Variants in WDR76 observed in about 807,000 individuals in gnomAD.
WDR76 encodes WD repeat domain 76.
In WDR76, 52 loss-of-function variants were observed where a neutral mutation model predicts 70.2. The ratio of observed to expected loss-of-function variants is 0.74; its 90% confidence interval spans 0.59 to 0.93. The LOEUF (loss-of-function observed/expected upper bound fraction) is 0.93, where lower values mean the gene tolerates loss of function less well. Among genes scored for constraint, WDR76 ranks in the 40% least tolerant of loss-of-function variants. The pLI is 0.00. For missense variants in WDR76, 756 were observed against 760.2 expected (o/e 0.99, Z 0.07); for synonymous variants, 292 against 271.1 (o/e 1.08, Z -0.76).
intron 8 of WDR76, 82 bp downstream of exon 8, chr15:43,844,136 T>C: frequency 1.5e-6 from 2 of 1,302,388 alleles, no homozygotes; most frequent in Non-Finnish European, 2.0e-6. Context: ...GCCATGTGTT[T>C]ATAAATGTTG....
chr15:43,839,603 AG>A lies in WDR76; in HGVS notation c.609-1del, dbSNP rs1567184555. 6.2e-7 allele frequency: 1 copy of A among 1,606,668 alleles called. No individual in the cohort carries two copies. The highest frequency in any genetic ancestry group is 2.2e-5 in the East Asian group (1 of 44,704). On this transcript the variant is annotated splice_acceptor_variant, in intron 4 of 12. Coordinates refer to ENST00000263795, the MANE Select transcript of WDR76 (RefSeq NM_024908.4). LOFTEE classifies it high-confidence loss of function. Reference sequence around the variant, plus strand: ...AACATGAGTTTTTCCCCACTCCTTTAGAAAGAAGCCTAAGAGAGAAAATGGG... The same window carrying A: ...AACATGAGTTTTTCCCCACTCCTTTAAAAGAAGCCTAAGAGAGAAAATGGG...
rs531512445 is a variant in WDR76 at position 43,828,276 on chromosome 15, A to G, written c.372A>G (p.Gln124=). The G allele has an allele frequency of 1.7e-5, 27 of 1,614,182 alleles. No homozygotes were observed. The South Asian group carries it at 2.1e-4, about 12-fold the overall frequency. Residue 124 remains glutamine, a synonymous_variant, in exon 2 of 13, where the codon CAA becomes CAG. Transcript: ENST00000263795. Reference sequence around the variant, plus strand: ...TTCATACTGAAAGTAACAAGCTACAACCCAAGAGAACGGCAGATGCGATGA... The same window carrying G: ...TTCATACTGAAAGTAACAAGCTACAGCCCAAGAGAACGGCAGATGCGATGA... ...SAVHTESNKL[Q]PKRTADAMNL... is the part of the protein sequence containing the mutation.
chr15:43,859,724 A>C (rs2087973059), intron 11 of WDR76, among the ~76,000 whole-genome samples: 1 of 152,230 alleles, frequency 6.6e-6, no homozygotes, highest in Admixed American at 6.5e-5. Context: ...CCTTTGTCTC[A>C]AAAGCTGCTT....
At chr15:43,844,391 T>C (rs1327847869) in intron 8 of WDR76, among the ~76,000 whole-genome samples, 1 of 140,564 alleles carries the variant, frequency 7.1e-6, no homozygotes, top group Non-Finnish European at 1.6e-5. Context: ...GCTGAGGCGG[T>C]CGGATCACCT....
intron 12 of WDR76, among the ~76,000 whole-genome samples, chr15:43,865,316 A>G (rs2088057168): frequency 6.6e-6 from 1 of 152,002 alleles, no homozygotes; most frequent in Admixed American, 6.6e-5. Context: ...TCTGTTGCCC[A>G]GGCTGGAATG....
chr15:43,851,306 ACATGAATAATTATTATAC>A, intron 9 of WDR76, 61 bp downstream of exon 9: 1 of 1,584,026 alleles, frequency 6.3e-7, no homozygotes, highest in South Asian at 1.1e-5. Context: ...TCGAAATGCC[ACATGAATAATTATTATAC>A]CAATTGGGAG....
rs2087526104 is a variant in WDR76, at chr15:43,827,074, A to G, written c.42A>G (p.Arg14=). 1 of 1,613,896 alleles carries G rather than the reference A, an allele frequency of 6.2e-7. No individual in the cohort carries two copies. Among genetic ancestry groups the G allele is most frequent in the South Asian group, 1.1e-5 (1 of 91,086 alleles). Residue 14 remains arginine (R), a synonymous_variant, in exon 1 of 13, where the codon AGA becomes AGG. Transcript: ENST00000263795. Reference sequence around the variant, plus strand: ...CGGCGGCTGAGAAGGCGGACTCCAGACAGCGACCCCAGATGAAGGTGAGAA... The same window carrying G: ...CGGCGGCTGAGAAGGCGGACTCCAGGCAGCGACCCCAGATGAAGGTGAGAA... ...SGAAAEKADS[R]QRPQMKVNEY... is the part of the protein sequence containing the mutation.
chr15:43,851,164 C>A lies in WDR76; in HGVS notation c.1110C>A (p.Pro370=). ...SQPVSCLYFS[P]ANPAHILSLS... ...CAGTTAGCTGTCTTTACTTCTCACC[C>A]GCCAATCCGGCCCACATACTGTCAC... The change falls in exon 9 of 13, where the codon CCC becomes CCA. Residue 370 remains proline, a synonymous_variant. Coordinates refer to ENST00000263795, the MANE Select transcript of WDR76 (RefSeq NM_024908.4). 4 of 1,614,108 alleles carry A rather than the reference C, an allele frequency of 2.5e-6. No homozygotes were observed.
intron 8 of WDR76, among the ~76,000 whole-genome samples, chr15:43,847,710 C>T (rs979306846): frequency 6.6e-6 from 1 of 151,974 alleles, no homozygotes; most frequent in Non-Finnish European, 1.5e-5. Flanking sequence ...AATGAGTCAC[C>T]GTGCCCAGCC....
Position 43,839,688 on chromosome 15 carries a change from C to G in WDR76, c.692C>G (p.Pro231Arg), listed in dbSNP as rs1229385577. The G allele has an allele frequency of 6.2e-7, 1 of 1,611,364 alleles. No homozygotes were observed. The change falls in exon 5 of 13, where the codon CCA becomes CGA. Residue 231 changes from proline to arginine, a missense_variant. By Grantham distance (103) the Pro-to-Arg change is moderately radical. Coordinates refer to ENST00000263795, the MANE Select transcript of WDR76 (RefSeq NM_024908.4). ...GTTGATCCTTCGGGAGTTTCATTAC[C>G]AGCAGCTCCAACACCGCCGACATTA... ...LKVDPSGVSL[P>R]AAPTPPTLVA...
intron 8 of WDR76, among the ~76,000 whole-genome samples, chr15:43,849,412 G>A (rs1471222266): frequency 6.6e-6 from 1 of 152,110 alleles, no homozygotes; most frequent in Non-Finnish European, 1.5e-5. Context: ...TATACAGATA[G>A]AATGATAGCG....
At chr15:43,859,766 AC>A (rs2140312620) in intron 11 of WDR76, among the ~76,000 whole-genome samples, 1 of 152,224 alleles carries the variant, frequency 6.6e-6, no homozygotes, top group South Asian at 2.1e-4. Context: ...ACTGCAGTTT[AC>A]TCTTGTTACA....
At chr15:43,841,331 G>T (rs1313175127) in intron 5 of WDR76, among the ~76,000 whole-genome samples, 1 of 151,542 alleles carries the variant, frequency 6.6e-6, no homozygotes, top group Non-Finnish European at 1.5e-5. Context: ...GCCTCCGCTG[G>T]GACTATAGGC....
chr15:43,850,072 T>C (rs1054572160), intron 8 of WDR76, among the ~76,000 whole-genome samples: 1 of 152,094 alleles, frequency 6.6e-6, no homozygotes, highest in Non-Finnish European at 1.5e-5. Context: ...ACAAAAATGC[T>C]TGACCATTTC....
intron 12 of WDR76, chr15:43,864,074 T>C (rs2088039362): frequency 6.6e-6 from 1 of 152,250 alleles, no homozygotes; most frequent in Non-Finnish European, 1.5e-5. Context: ...TGGCTTGTTT[T>C]ACTTAACATA....
At chr15:43,844,814 G>A (rs2087767243) in intron 8 of WDR76, among the ~76,000 whole-genome samples, 1 of 146,740 alleles carries the variant, frequency 6.8e-6, no homozygotes, top group Admixed American at 6.9e-5. Flanking sequence ...TGTAGTCCCA[G>A]CTACTCGGGA....
In WDR76 at chr15:43,866,620, G is replaced by GA; in HGVS notation, c.*229dup. On this transcript the variant is annotated 3_prime_UTR_variant, in exon 13 of 13. Coordinates refer to ENST00000263795, the MANE Select transcript of WDR76 (RefSeq NM_024908.4). ...TGAGGGGAGGCTGAGGTGCCGTCAG[G>GA]ACTTTTTTTTTTTTTTTTTTTTTGA... 2 of 382,916 alleles carry GA rather than the reference G, an allele frequency of 5.2e-6. No individual in the cohort carries two copies. Among genetic ancestry groups the GA allele is most frequent in the Non-Finnish European group, 8.9e-6 (2 of 224,830 alleles). The allele number at this position is 382,916 out of a possible 1,614,324, so 23.7% of individuals were successfully genotyped here.
At position 43,836,215 on chromosome 15, in the gene WDR76, A is replaced by C; in HGVS notation, c.607A>C (p.Arg203=). 3 of 1,609,846 alleles carry C rather than the reference A, an allele frequency of 1.9e-6. No individual in the cohort carries two copies. Among genetic ancestry groups the C allele is most frequent in the African/African-American group, 2.7e-5 (2 of 74,962 alleles). The change falls in exon 4 of 13, where the codon AGA becomes CGA. Residue 203 remains arginine, a splice_region_variant and synonymous_variant. Transcript: ENST00000263795. ...IEKRQPPKSK[R]KKPKRENGIG... ...GAAGAGACAGCCTCCTAAATCCAAA[A>C]GGTAAAATATCTAGTTTGCAATGCC...
intron 10 of WDR76, among the ~76,000 whole-genome samples, chr15:43,857,771 A>AT (rs1011303303): frequency 1.4e-5 from 2 of 140,404 alleles, no homozygotes; most frequent in Non-Finnish European, 3.0e-5. Flanking sequence ...GTGAGCCAAG[A>AT]TTGCACCATT....
Sources: gnomAD v4.1 joint callset for allele counts (sites outside exome capture counted in the v4.1 genomes callset) on GRCh38, gnomAD v4.1.1 for gene constraint, MANE v1.5 for transcripts, NCBI Gene and HGNC (gene_info 2026-07-23, HGNC 2026-07-21) for gene names.